RBFOX1: variants seen among roughly 807,000 people sequenced by gnomAD.
RBFOX1 encodes RNA binding fox-1 homolog 1, also known as RNA binding protein fox-1 homolog 1.
RBFOX1 carries 8 observed loss-of-function variants against 57.7 expected under a neutral mutation model. The ratio of observed to expected loss-of-function variants is 0.14; its 90% CI spans 0.08 to 0.25. The LOEUF is 0.25. Ranked by LOEUF, RBFOX1 falls within the 10% of genes least tolerant of loss-of-function variation. The pLI is 1.00. For synonymous variants in RBFOX1, 326 were observed against 222.4 expected (o/e 1.47, Z -4.15); for missense variants, 611 against 548.5 (o/e 1.11, Z -1.14).
rs570968005 is a variant in RBFOX1 at position 7,147,729 on chromosome 16, T to A, written c.27+95631T>A. Among the ~76,000 whole-genome samples the A allele has an allele frequency of 2.6e-5, 4 of 152,306 alleles. No homozygotes were observed. In the South Asian group the frequency reaches 6.2e-4, roughly 24 times the overall value. ...TTATCCTATCTGCCATTGATGGGTA[T>A]CTAGGTTAATTTCATGTCTTTGCTA... On this transcript the variant is annotated intron_variant, in intron 4 of 15. Coordinates refer to ENST00000550418, the MANE Select transcript of RBFOX1 (RefSeq NM_018723.4).
intron 2 of RBFOX1, among the ~76,000 whole-genome samples, chr16:6,563,785 C>A (rs1047941547): frequency 7.2e-5 from 11 of 151,794 alleles, no homozygotes; most frequent in Admixed American, 2.0e-4. Flanking sequence ...GAGACTGAGC[C>A]ACTGCAATCC....
intron 2 of RBFOX1, among the ~76,000 whole-genome samples, chr16:6,503,022 G>A (rs1220325039): frequency 3.3e-5 from 5 of 152,162 alleles, no homozygotes; most frequent in African/African-American, 4.8e-5. Context: ...TGGGGAAAAG[G>A]ATGGTAAAAA....
chr16:6,968,702 T>C (rs116017270), intron 3 of RBFOX1, among the ~76,000 whole-genome samples: 3,229 of 152,250 alleles, frequency 0.021, 137 homozygotes, highest in African/African-American at 0.074. Flanking sequence ...GTACACATAC[T>C]AACTCCTGTT....
intron 2 of RBFOX1, among the ~76,000 whole-genome samples, chr16:6,408,684 A>G (rs1471653569): frequency 3.3e-5 from 5 of 152,094 alleles, no homozygotes; most frequent in Admixed American, 3.3e-4. Context: ...TGTCTGTAAC[A>G]TGTTTTGTTA....
intron 1 of RBFOX1, among the ~76,000 whole-genome samples, chr16:6,063,499 AC>A (rs2095715894): frequency 2.5e-5 from 3 of 121,686 alleles, no homozygotes; most frequent in Non-Finnish European, 3.3e-5. Context: ...ACACACACAC[AC>A]ACACACCCCC....
intron 1 of RBFOX1, among the ~76,000 whole-genome samples, chr16:6,181,707 C>T (rs1402488630): frequency 6.6e-6 from 1 of 152,136 alleles, no homozygotes; most frequent in Admixed American, 6.6e-5. Context: ...ACTTTACCCA[C>T]AGCACTATGG....
intron 5 of RBFOX1, among the ~76,000 whole-genome samples, chr16:7,564,498 A>C (rs1045314332): frequency 7.6e-6 from 1 of 130,902 alleles, no homozygotes; most frequent in Non-Finnish European, 1.5e-5. Context: ...CCGAGATTGC[A>C]CCTCTGCACT....
intron 4 of RBFOX1, among the ~76,000 whole-genome samples, chr16:7,118,883 A>T (rs763658505): frequency 6.6e-6 from 1 of 152,174 alleles, no homozygotes; most frequent in Non-Finnish European, 1.5e-5. Flanking sequence ...GAACTTGCTC[A>T]GATCTCTTAA....
At chr16:5,589,741 T>A (rs2046945603) in intron 2 of RBFOX1, among the ~76,000 whole-genome samples, 1 of 152,162 alleles carries the variant, frequency 6.6e-6, no homozygotes, top group Non-Finnish European at 1.5e-5. Flanking sequence ...GTGTAGAGTC[T>A]GAAGCTCAGA....
chr16:5,704,497 C>G (rs2051167721), intron 3 of RBFOX1, among the ~76,000 whole-genome samples: 1 of 152,144 alleles, frequency 6.6e-6, no homozygotes, highest in African/African-American at 2.4e-5. Context: ...CCAGGCCCAG[C>G]TACTTTGCAT....
chr16:6,758,483 C>G (rs1237923796), intron 3 of RBFOX1, among the ~76,000 whole-genome samples: 2 of 152,056 alleles, frequency 1.3e-5, no homozygotes, highest in East Asian at 1.9e-4. Flanking sequence ...AGCCTTGGCA[C>G]TGATTAATTG....
intron 10 of RBFOX1, among the ~76,000 whole-genome samples, chr16:7,616,752 G>C (rs1015284656): frequency 1.3e-5 from 2 of 152,012 alleles, no homozygotes; most frequent in Non-Finnish European, 2.9e-5. Context: ...GGCTGGTCTT[G>C]AACTCCTGAC....
intron 11 of RBFOX1, among the ~76,000 whole-genome samples, chr16:7,638,644 C>T (rs1171185609): frequency 6.6e-6 from 1 of 152,164 alleles, no homozygotes; most frequent in Non-Finnish European, 1.5e-5. Context: ...TTAATATTTT[C>T]AGCTTTACAG....
intron 3 of RBFOX1, among the ~76,000 whole-genome samples, chr16:5,627,931 T>C (rs1402848095): frequency 1.3e-5 from 2 of 152,294 alleles, no homozygotes; most frequent in East Asian, 3.9e-4. Context: ...GAGAAATGAT[T>C]GTGCCTAATT....
chr16:7,623,564 G>A (rs140273349), intron 10 of RBFOX1, among the ~76,000 whole-genome samples: 9 of 152,210 alleles, frequency 5.9e-5, no homozygotes, highest in Admixed American at 2.0e-4. Flanking sequence ...GAGCTCAGGT[G>A]GTAACATGAA....
chr16:7,374,296 G>A (rs776247657), intron 4 of RBFOX1, among the ~76,000 whole-genome samples: 1 of 152,162 alleles, frequency 6.6e-6, no homozygotes, highest in Non-Finnish European at 1.5e-5. Flanking sequence ...AAGGGGAATA[G>A]CGGAATGTCC....
At chr16:6,785,243 C>T (rs2081737619) in intron 3 of RBFOX1, among the ~76,000 whole-genome samples, 1 of 152,112 alleles carries the variant, frequency 6.6e-6, no homozygotes, top group Admixed American at 6.6e-5. Flanking sequence ...CCGTTCGTAA[C>T]TAACATAAGA....
At chr16:7,510,432 T>C (rs1600443351) in intron 4 of RBFOX1, 3 of 777,894 alleles carry the variant, frequency 3.9e-6, no homozygotes, top group Non-Finnish European at 4.7e-6. Context: ...GCTTGAATCA[T>C]GCCCGGGGAA....
chr16:6,182,646 G>C (rs1245573989), intron 1 of RBFOX1, among the ~76,000 whole-genome samples: 1 of 151,968 alleles, frequency 6.6e-6, no homozygotes, highest in East Asian at 1.9e-4. Flanking sequence ...ATAACACATT[G>C]TGATTTTAAA....
Sources: allele counts gnomAD v4.1 joint callset (sites outside exome capture counted in the v4.1 genomes callset), GRCh38; gene constraint gnomAD v4.1.1; transcripts MANE v1.5; gene names NCBI Gene and HGNC (gene_info 2026-07-23, HGNC 2026-07-21).